Variants in RIMS2 observed in about 807,000 individuals in gnomAD.
The protein encoded by RIMS2 is regulating synaptic membrane exocytosis 2.
In RIMS2, 59 loss-of-function variants were observed where a neutral mutation model predicts 174.4. That is an observed-to-expected ratio of 0.34 (90% CI 0.27 to 0.42). RIMS2 has a LOEUF of 0.42. Among genes scored for constraint, RIMS2 ranks in the 10% least tolerant of loss-of-function variants. The pLI is 1.00. For missense variants in RIMS2, 1,620 were observed against 1,666.3 expected, an observed-to-expected ratio of 0.97 and a Z score of 0.48; for synonymous variants, 606 against 572.5, an observed-to-expected ratio of 1.06 and a Z score of -0.84.
chr8:103,712,587 C>T (rs1206798070), intron 2 of RIMS2, among the ~76,000 whole-genome samples: 1 of 151,960 alleles, frequency 6.6e-6, no homozygotes, highest in African/African-American at 2.4e-5. Flanking sequence ...TTTCATTTAG[C>T]ATATATAAGG....
chr8:104,202,838 C>G lies in RIMS2; in HGVS notation c.3335-42078C>G, dbSNP rs111789739. 2.8e-3 allele frequency among the ~76,000 whole-genome samples: 419 copies of G among 152,230 alleles called. 1 individual carries two copies. The highest frequency in any genetic ancestry group is 9.5e-3 in the African/African-American group (396 of 41,548). On this transcript the variant is annotated intron_variant, in intron 19 of 23. Transcript: ENST00000504942. ...AATTTTGGAGGAACACTGTTTAATC[C>G]CATAACACATGTGAAGAGATATAAA...
At chr8:104,167,178 T>A (rs2098803257) in intron 19 of RIMS2, among the ~76,000 whole-genome samples, 1 of 152,210 alleles carries the variant, frequency 6.6e-6, no homozygotes, top group East Asian at 1.9e-4. Flanking sequence ...TGCTTTTAGT[T>A]CTTTAAGTAA....
chr8:103,834,506 C>G (rs530506640), intron 3 of RIMS2, among the ~76,000 whole-genome samples: 59 of 151,162 alleles, frequency 3.9e-4, no homozygotes, highest in Non-Finnish European at 6.8e-4. Context: ...CTCAGAAGAG[C>G]TCCTTGAAGT....
At chr8:103,520,809 G>A (rs1483478868) in intron 1 of RIMS2, among the ~76,000 whole-genome samples, 1 of 151,892 alleles carries the variant, frequency 6.6e-6, no homozygotes, top group African/African-American at 2.4e-5. Context: ...TCTAAGTACT[G>A]AAATCACCAT....
At chr8:103,720,862 C>T (rs972646302) in intron 2 of RIMS2, among the ~76,000 whole-genome samples, 4 of 152,124 alleles carry the variant, frequency 2.6e-5, no homozygotes, top group East Asian at 1.9e-4. Flanking sequence ...AAAAAGATAA[C>T]GTAATTTTAA....
intron 2 of RIMS2, among the ~76,000 whole-genome samples, chr8:103,752,208 A>G (rs1591641980): frequency 6.6e-6 from 1 of 152,240 alleles, no homozygotes; most frequent in East Asian, 1.9e-4. Context: ...TAAATAGGGA[A>G]TCCTTTCCCC....
chr8:103,885,890 C>T (rs779117941), exon 4 of RIMS2: 1 of 1,612,924 alleles, frequency 6.2e-7, no homozygotes, highest in South Asian at 1.1e-5. Flanking sequence ...GACCACAAAC[C>T]ATAGTCCTCC....
At chr8:103,779,077 C>T (rs2098354112) in intron 3 of RIMS2, among the ~76,000 whole-genome samples, 2 of 152,038 alleles carry the variant, frequency 1.3e-5, no homozygotes, top group African/African-American at 2.4e-5. Flanking sequence ...ATCTTTTGCC[C>T]ACTTTTAAAT....
At chr8:103,602,749 G>C (rs2094822714) in intron 1 of RIMS2, among the ~76,000 whole-genome samples, 1 of 152,168 alleles carries the variant, frequency 6.6e-6, no homozygotes, top group African/African-American at 2.4e-5. Flanking sequence ...ACTGTGAATA[G>C]TGCTGCAATG....
intron 19 of RIMS2, among the ~76,000 whole-genome samples, chr8:104,086,836 G>A (rs1259593630): frequency 6.6e-6 from 1 of 152,050 alleles, no homozygotes; most frequent in East Asian, 1.9e-4. Flanking sequence ...TTGATACACA[G>A]TAAATATTTA....
At chr8:104,050,697 A>G (rs910064482) in intron 19 of RIMS2, among the ~76,000 whole-genome samples, 5 of 152,318 alleles carry the variant, frequency 3.3e-5, no homozygotes, top group South Asian at 2.1e-4. Flanking sequence ...CAGGAAGATG[A>G]ATAAGTAAAG....
At chr8:103,967,247 G>T (rs984073585) in intron 15 of RIMS2, among the ~76,000 whole-genome samples, 1 of 130,354 alleles carries the variant, frequency 7.7e-6, no homozygotes, top group South Asian at 2.5e-4. Context: ...GCAACAGTGC[G>T]ATCTTGGCTC....
intron 19 of RIMS2, among the ~76,000 whole-genome samples, chr8:104,130,186 A>G (rs1029180766): frequency 1.3e-5 from 2 of 152,218 alleles, no homozygotes; most frequent in Non-Finnish European, 2.9e-5. Flanking sequence ...TTGCAATAGA[A>G]GAATTTCCAT....
chr8:103,735,625 G>C (rs919513899), intron 2 of RIMS2, among the ~76,000 whole-genome samples: 3 of 152,126 alleles, frequency 2.0e-5, no homozygotes, highest in African/African-American at 7.2e-5. Context: ...GGCAGCCATT[G>C]CTGATGGTGT....
At chr8:103,765,384 G>A (rs1336702582) in intron 2 of RIMS2, among the ~76,000 whole-genome samples, 1 of 152,064 alleles carries the variant, frequency 6.6e-6, no homozygotes, top group African/African-American at 2.4e-5. Context: ...GAGAGGAAAA[G>A]GGCTGTTGCT....
intron 19 of RIMS2, among the ~76,000 whole-genome samples, chr8:104,182,393 A>G (rs924067265): frequency 6.6e-6 from 1 of 151,856 alleles, no homozygotes; most frequent in African/African-American, 2.4e-5. Context: ...CATACAGCAC[A>G]TATCTGCATA....
intron 3 of RIMS2, among the ~76,000 whole-genome samples, chr8:103,863,908 G>C (rs67628222): frequency 1.3e-5 from 1 of 74,708 alleles, no homozygotes; most frequent in Non-Finnish European, 2.7e-5. Context: ...TGTTTTTTTT[G>C]TTTGTTTGTT....
intron 3 of RIMS2, among the ~76,000 whole-genome samples, chr8:103,866,919 A>G (rs2099087127): frequency 1.3e-5 from 2 of 152,102 alleles, no homozygotes; most frequent in East Asian, 3.9e-4. Context: ...TGGCAGAGCT[A>G]GGTTCATATA....
chr8:103,559,393 G>A, intron 1 of RIMS2: 2 of 348,484 alleles, frequency 5.7e-6, no homozygotes, highest in Admixed American at 4.2e-5. Context: ...CTGCTTCACG[G>A]TGGAGCATGC....
Sources: gnomAD v4.1 joint callset for allele counts (sites outside exome capture counted in the v4.1 genomes callset) on GRCh38, gnomAD v4.1.1 for gene constraint, MANE v1.5 for transcripts, NCBI Gene and HGNC (gene_info 2026-07-23, HGNC 2026-07-21) for gene names.